SVIL: variants seen among roughly 807,000 people sequenced by gnomAD.
SVIL encodes archvillin.
In SVIL, 101 loss-of-function variants were observed where a neutral mutation model predicts 240.4. That is an observed-to-expected ratio of 0.42 (90% CI 0.36 to 0.50). The LOEUF is 0.50. Among genes scored for constraint, SVIL ranks in the 20% least tolerant of loss-of-function variants. SVIL has a pLI of 0.01. For synonymous variants in SVIL, 999 were observed against 1,100.0 expected (o/e 0.91, Z 1.82); for missense variants, 2,512 against 2,818.7 (o/e 0.89, Z 2.46).
At chr10:29,689,529 C>T (rs368931143) in intron 1 of SVIL, among the ~76,000 whole-genome samples, 9 of 152,174 alleles carry the variant, frequency 5.9e-5, no homozygotes, top group African/African-American at 1.4e-4. Flanking sequence ...CGTGATCTGC[C>T]CATCTCGGCC....
chr10:29,587,269 T>C (rs1956209389), intron 1 of SVIL, among the ~76,000 whole-genome samples: 1 of 152,226 alleles, frequency 6.6e-6, no homozygotes. Flanking sequence ...AGAACAGTAC[T>C]AGGCCACGTC....
chr10:29,499,348 A>C, intron 17 of SVIL, 85 bp from the exon 18 acceptor site: 1 of 1,560,964 alleles, frequency 6.4e-7, no homozygotes, highest in Non-Finnish European at 8.7e-7. Context: ...ATGAGTGAAA[A>C]AAGCAGGTTG....
intron 1 of SVIL, among the ~76,000 whole-genome samples, chr10:29,725,266 AG>A (rs1964226680): frequency 6.6e-6 from 1 of 152,024 alleles, no homozygotes; most frequent in African/African-American, 2.4e-5. Flanking sequence ...TGTGTCCTCA[AG>A]GGTTCCTTTT....
At chr10:29,648,405 C>T (rs1958734201) in intron 3 of SVIL, among the ~76,000 whole-genome samples, 1 of 152,196 alleles carries the variant, frequency 6.6e-6, no homozygotes, top group Non-Finnish European at 1.5e-5. Context: ...CACAGATCCA[C>T]TCTGAGCAGA....
intron 1 of SVIL, among the ~76,000 whole-genome samples, 180 bp from the exon 2 acceptor site, chr10:29,569,492 T>C (rs1159404291): frequency 3.3e-5 from 5 of 152,162 alleles, no homozygotes; most frequent in Admixed American, 3.3e-4. Flanking sequence ...ACATGGAAAT[T>C]TACATAGGCA....
chr10:29,536,296 G>A (rs973541512), intron 6 of SVIL, among the ~76,000 whole-genome samples: 7 of 152,138 alleles, frequency 4.6e-5, no homozygotes, highest in African/African-American at 1.7e-4. Context: ...AACACAACCT[G>A]TGGGCTGCTG....
At chr10:29,653,397 C>A (rs1316804403) in intron 3 of SVIL, among the ~76,000 whole-genome samples, 2 of 152,122 alleles carry the variant, frequency 1.3e-5, no homozygotes, top group African/African-American at 2.4e-5. Flanking sequence ...GAGGCCTCTG[C>A]AACCATGCTT....
rs534739783 is a variant in SVIL, at chr10:29,484,265, G to A, written c.4955+391C>T. 2.5e-4 allele frequency among the ~76,000 whole-genome samples: 38 copies of A among 152,230 alleles called. No homozygotes were observed. Among genetic ancestry groups the A allele is most frequent in the Middle Eastern group, 3.4e-3 (1 of 294 alleles). ...TGGGAAGGTATGAAATTAGAGGGAGGCATGTTGCTTTTGCACTTTCAGATC... is the reference window on the plus strand; with the variant it reads ...TGGGAAGGTATGAAATTAGAGGGAGACATGTTGCTTTTGCACTTTCAGATC... On this transcript the variant is annotated intron_variant, in intron 27 of 37. Transcript: ENST00000355867. This position sits in a 1 kb window ranked among gnomAD's most constrained non-coding sequence, Gnocchi z 4.7.
At chr10:29,464,635 C>T (rs995209700) in intron 34 of SVIL, among the ~76,000 whole-genome samples, 2 of 152,096 alleles carry the variant, frequency 1.3e-5, no homozygotes, top group African/African-American at 4.8e-5. Flanking sequence ...TTTAAAAGCC[C>T]AGTGGAGGTT....
intron 2 of SVIL, among the ~76,000 whole-genome samples, chr10:29,566,830 G>C (rs115283404): frequency 6.6e-6 from 1 of 152,082 alleles, no homozygotes; most frequent in Non-Finnish European, 1.5e-5. Flanking sequence ...GCTGGATCCT[G>C]CCCTTCCTCC....
In SVIL at chr10:29,458,337, G is replaced by GAAAC; in HGVS notation, c.6559-8_6559-5dup. On this transcript the variant is annotated splice_polypyrimidine_tract_variant and splice_region_variant and intron_variant, in intron 37 of 37. Transcript: ENST00000355867. ...CCCTCGTCATGTCTAGTGCAAACTG[G>GAAAC]AAACATTGGGAGAAGCGCCCCGCGG... 6.2e-7 allele frequency: 1 copy of GAAAC among 1,614,150 alleles called. No homozygotes were observed. The highest frequency in any genetic ancestry group is 8.5e-7 in the Non-Finnish European group (1 of 1,180,020).
At chr10:29,700,046 G>C (rs889693549) in intron 1 of SVIL, among the ~76,000 whole-genome samples, 2 of 152,200 alleles carry the variant, frequency 1.3e-5, no homozygotes, top group African/African-American at 4.8e-5. Context: ...GAAAAAGTAA[G>C]ATATGACACA....
chr10:29,541,890 A>G (rs1952189753), intron 6 of SVIL, among the ~76,000 whole-genome samples: 1 of 152,180 alleles, frequency 6.6e-6, no homozygotes, highest in Non-Finnish European at 1.5e-5. Flanking sequence ...AATGATATTT[A>G]TGAGCAGCCT....
intron 12 of SVIL, among the ~76,000 whole-genome samples, chr10:29,527,597 T>C (rs747029893): frequency 3.3e-5 from 5 of 151,470 alleles, no homozygotes; most frequent in Non-Finnish European, 7.4e-5. Flanking sequence ...CAGTTAATTT[T>C]TGTATTTTTA....
chr10:29,597,002 C>CT (rs1338399969), intron 1 of SVIL, among the ~76,000 whole-genome samples: 2 of 152,140 alleles, frequency 1.3e-5, no homozygotes, highest in Non-Finnish European at 2.9e-5. Context: ...GCTCTCCCGC[C>CT]CCCCTACCAG....
rs372053237 is a variant in SVIL at position 29,551,002 on chromosome 10, T to C, written c.422A>G (p.Lys141Arg). 3.1e-6 allele frequency: 5 copies of C among 1,614,020 alleles called. No individual in the cohort carries two copies. In the African/African-American group the frequency reaches 6.7e-5, roughly 22 times the overall value. ...EYLSRYTKSR[K>R]EPDAVEKRGG... ...CCGCTTCTCGACAGCATCAGGCTCC[T>C]TCCTGGACTTGGTATAGCGGGATAA... The change falls in exon 6 of 38, where the codon AAG becomes AGG. Residue 141 changes from lysine (K) to arginine (R), a missense_variant. Lys to Arg is a conservative substitution (Grantham distance 26). This residue lies in a region of SVIL where 1,443 missense variants were observed against 1,486.6 expected (regional missense o/e 0.97). Coordinates refer to ENST00000355867, the MANE Select transcript of SVIL (RefSeq NM_021738.3).
intron 1 of SVIL, among the ~76,000 whole-genome samples, chr10:29,733,611 T>C (rs1964742380): frequency 6.6e-6 from 1 of 152,182 alleles, no homozygotes; most frequent in Admixed American, 6.5e-5. Flanking sequence ...GGCCTTTGAT[T>C]TATGTTTTAA....
intron 13 of SVIL, among the ~76,000 whole-genome samples, chr10:29,524,956 C>T (rs888887938): frequency 6.6e-5 from 10 of 152,028 alleles, no homozygotes; most frequent in African/African-American, 1.2e-4. Context: ...TTCTACAAAA[C>T]GAATTTCCTG....
At chr10:29,470,911 CCACCTT>C (rs1256399826) in intron 31 of SVIL, among the ~76,000 whole-genome samples, 2 of 152,090 alleles carry the variant, frequency 1.3e-5, no homozygotes, top group Non-Finnish European at 2.9e-5. Context: ...GGAGGGGAGA[CCACCTT>C]CCAGCCTCCT....
Sources: gnomAD v4.1 joint callset for allele counts (sites outside exome capture counted in the v4.1 genomes callset) on GRCh38, gnomAD v4.1.1 for gene constraint, gnomAD v4.1.1 regional missense constraint, Gnocchi (gnomAD v3.1) non-coding constraint, MANE v1.5 for transcripts, NCBI Gene and HGNC (gene_info 2026-07-23, HGNC 2026-07-21) for gene names.